Variants in ABCC1 observed in about 807,000 individuals in gnomAD.
The protein encoded by ABCC1 is ATP binding cassette subfamily C member 1 (ABCC1 blood group).
In ABCC1, 83 loss-of-function variants were observed where a neutral mutation model predicts 172.9. That is an observed-to-expected ratio of 0.48 (90% CI 0.40 to 0.58). The LOEUF (loss-of-function observed/expected upper bound fraction) is 0.58. ABCC1 is among the 20% of genes least tolerant of loss of function. ABCC1 has a pLI of 0.00. For missense variants in ABCC1, 1,817 were observed against 2,002.7 expected, an observed-to-expected ratio of 0.91 and a Z score of 1.77; for synonymous variants, 937 against 825.2, an observed-to-expected ratio of 1.14 and a Z score of -2.32.
Position 16,044,556 on chromosome 16 carries a change from C to T in ABCC1, c.916C>T (p.Gln306Ter), listed in dbSNP as rs1022789997. 1 of 1,614,088 alleles carries T rather than the reference C, an allele frequency of 6.2e-7. No homozygotes were observed. Among genetic ancestry groups the T allele is most frequent in the African/African-American group, 1.3e-5 (1 of 74,938 alleles). Reference sequence around the variant, plus strand: ...GGAGGCTTTGATCGTCAAGTCCCCACAGAAGGAGTGGAACCCCTCTCTGTT... The same window carrying T: ...GGAGGCTTTGATCGTCAAGTCCCCATAGAAGGAGTGGAACCCCTCTCTGTT... ...EVEALIVKSPQKEWNPSLFKV... is the reference protein window; with the variant it reads ...EVEALIVKSP The change falls in exon 8 of 31, where the codon CAG becomes TAG. Residue 306 changes from glutamine to a stop codon, truncating the protein, a stop_gained. Coordinates refer to ENST00000399410, the MANE Select transcript of ABCC1 (RefSeq NM_004996.4). LOFTEE classifies it high-confidence loss of function.
At chr16:16,089,509 C>T (rs1001858290) in intron 18 of ABCC1, among the ~76,000 whole-genome samples, 1 of 151,524 alleles carries the variant, frequency 6.6e-6, no homozygotes, top group Non-Finnish European at 1.5e-5. Flanking sequence ...GGTCGCACCA[C>T]TGCACTCCAG....
chr16:16,026,464 C>CTTT (rs1491397616), intron 5 of ABCC1, among the ~76,000 whole-genome samples: 3,083 of 102,130 alleles, frequency 0.03, 302 homozygotes, highest in Non-Finnish European at 0.047. Flanking sequence ...AAGGCTATTT[C>CTTT]CTTTTTTTTT....
intron 4 of ABCC1, 121 bp downstream of exon 4, chr16:16,014,749 C>G: frequency 8.5e-7 from 1 of 1,173,422 alleles, no homozygotes; most frequent in Non-Finnish European, 1.2e-6. Context: ...GTACCACATG[C>G]ACCTAGCTTC....
At chr16:15,950,933 G>GT (rs2045857445) in intron 1 of ABCC1, among the ~76,000 whole-genome samples, 3 of 151,884 alleles carry the variant, frequency 2.0e-5, no homozygotes, top group South Asian at 2.1e-4. Context: ...TTGTTTGTTT[G>GT]TTTTTTTTAG....
chr16:16,084,855 A>G (rs1000718750), intron 17 of ABCC1, among the ~76,000 whole-genome samples: 7 of 152,158 alleles, frequency 4.6e-5, no homozygotes, highest in Non-Finnish European at 8.8e-5. Context: ...TCCTGGCCTC[A>G]GGTGATCTGC....
chr16:16,083,483 G>A lies in ABCC1; in HGVS notation c.2233G>A (p.Ala745Thr). 11 of 1,613,946 alleles carry A rather than the reference G, an allele frequency of 6.8e-6. No homozygotes were observed. The highest frequency in any genetic ancestry group is 8.5e-6 in the Non-Finnish European group (10 of 1,180,026). ...PYYRSVIQAC[A>T]LLPDLEILPS... ...TTACAGGTCCGTGATACAGGCCTGT[G>A]CCCTCCTCCCAGACCTGGAAATCCT... The change falls in exon 17 of 31, where the codon GCC becomes ACC. Residue 745 changes from alanine to threonine, a missense_variant. Coordinates refer to ENST00000399410, the MANE Select transcript of ABCC1 (RefSeq NM_004996.4).
chr16:16,016,988 C>T (rs1428792250), intron 5 of ABCC1, among the ~76,000 whole-genome samples: 4 of 145,702 alleles, frequency 2.7e-5, no homozygotes, highest in East Asian at 2.0e-4. Context: ...GGCCTATAAT[C>T]CTACAGGGCA....
chr16:16,032,103 G>A (rs1406495770), intron 5 of ABCC1, among the ~76,000 whole-genome samples: 1 of 151,998 alleles, frequency 6.6e-6, no homozygotes, highest in Non-Finnish European at 1.5e-5. Context: ...CGATTCTCTT[G>A]CCTCAGCCTC....
In ABCC1 at chr16:16,090,525, G is replaced by A. The variant is rs45517537; in HGVS notation, c.2581G>A (p.Ala861Thr). 3.1e-6 allele frequency: 5 copies of A among 1,613,684 alleles called. No individual in the cohort carries two copies. The highest frequency in any genetic ancestry group is 2.2e-5 in the East Asian group (1 of 44,856). The change falls in exon 19 of 31, where the codon GCC becomes ACC. Residue 861 changes from alanine to threonine, a missense_variant. Physicochemically the swap from Ala to Thr is moderately conservative, Grantham distance 58. Around this residue, in one of 3 missense-constraint regions of ABCC1, gnomAD observed 1,412 missense variants for 1,600.3 expected, o/e 0.88. Coordinates refer to ENST00000399410, the MANE Select transcript of ABCC1 (RefSeq NM_004996.4). ...CCAGGAGCTGCTGGCTCGAGACGGC[G>A]CCTTCGCTGAGTTCCTGCGTACCTA... is the stretch of plus-strand genomic sequence containing the variant. ...SYQELLARDG[A>T]FAEFLRTYAS...
rs2051031569 is a variant in ABCC1 at position 16,086,917 on chromosome 16, T to G, written c.2386T>G (p.Ser796Ala). ...CATTTACCTCTTCGATGATCCCCTCTCAGCAGTGGATGCCCATGTGGGAAA... is the reference window on the plus strand; with the variant it reads ...CATTTACCTCTTCGATGATCCCCTCGCAGCAGTGGATGCCCATGTGGGAAA... ...ADIYLFDDPL[S>A]AVDAHVGKHI... is the part of the protein sequence containing the mutation. The change falls in exon 18 of 31, where the codon TCA (serine) becomes GCA (alanine). Residue 796 changes from serine (S) to alanine (A), a missense_variant. Coordinates refer to ENST00000399410, the MANE Select transcript of ABCC1 (RefSeq NM_004996.4). The G allele has an allele frequency of 6.2e-7, 1 of 1,614,100 alleles. No homozygotes were observed. Among genetic ancestry groups the G allele is most frequent in the Non-Finnish European group, 8.5e-7 (1 of 1,180,058 alleles).
intron 1 of ABCC1, among the ~76,000 whole-genome samples, chr16:16,001,848 C>G (rs921583518): frequency 6.6e-6 from 1 of 152,092 alleles, no homozygotes; most frequent in African/African-American, 2.4e-5. Flanking sequence ...CTAAATGTTA[C>G]TGTAGGCACC....
intron 4 of ABCC1, among the ~76,000 whole-genome samples, chr16:16,015,561 T>G (rs2151759936): frequency 6.6e-6 from 1 of 152,346 alleles, no homozygotes; most frequent in East Asian, 1.9e-4. Context: ...CATATTATTA[T>G]GAGTGATAGC....
intron 16 of ABCC1, 143 bp downstream of exon 16, chr16:16,079,621 C>G (rs910132279): frequency 1.7e-5 from 19 of 1,091,068 alleles, no homozygotes; most frequent in Admixed American, 2.8e-5. Flanking sequence ...CTGTATCTTT[C>G]CACTGTCTCT....
intron 1 of ABCC1, among the ~76,000 whole-genome samples, chr16:15,999,804 T>TCTCTCTCTCTCTCTCC (rs2047201659): frequency 3.2e-5 from 1 of 31,572 alleles, no homozygotes; most frequent in Non-Finnish European, 9.0e-5. Flanking sequence ...TCTCTCTCTC[T>TCTCTCTCTCTCTCTCC]CTCTCCTCTC....
In ABCC1 at chr16:16,140,538, G is replaced by GT. The variant is rs568132598; in HGVS notation, c.4488-634dup. Among the ~76,000 whole-genome samples, 63 of 152,292 alleles carry GT rather than the reference G, an allele frequency of 4.1e-4. 1 individual carries two copies. The South Asian group carries it at 0.013, about 31-fold the overall frequency. On this transcript the variant is annotated intron_variant, in intron 30 of 30. Transcript: ENST00000399410. ...TAGTTCACTGAGTACCACCTACTAAGTGGCAGATGCTGAGTTGGTGCTTTT... is the reference window on the plus strand; with the variant it reads ...TAGTTCACTGAGTACCACCTACTAAGTTGGCAGATGCTGAGTTGGTGCTTTT...
intron 10 of ABCC1, among the ~76,000 whole-genome samples, chr16:16,048,995 A>G (rs1312850623): frequency 6.6e-6 from 1 of 152,108 alleles, no homozygotes; most frequent in Non-Finnish European, 1.5e-5. Context: ...AAAAAAAAAA[A>G]AAAGTAGCCT....
intron 20 of ABCC1, among the ~76,000 whole-genome samples, chr16:16,104,764 G>A (rs1405559780): frequency 1.3e-5 from 2 of 152,190 alleles, no homozygotes; most frequent in African/African-American, 4.8e-5. Context: ...GCCCATAGCG[G>A]GGAGGTGGGG....
In ABCC1 at chr16:15,949,633, CA is replaced by C. The variant is rs2045813581; in HGVS notation, c.-118del. On this transcript the variant is annotated 5_prime_UTR_variant, in exon 1 of 31. Transcript: ENST00000399410. ...CCTGCGCCGCCGCCGCCGCCGCCGC[CA>C]GCGCTAGCGCCAGCAGCCGGGCCCG... 5.5e-4 allele frequency: 375 copies of C among 684,464 alleles called. No homozygotes were observed. The highest frequency in any genetic ancestry group is 7.3e-4 in the South Asian group (12 of 16,352). 42.4% of individuals were successfully genotyped at this position (684,464 alleles called of 1,614,324 possible). A position where few individuals can be genotyped will look rare whatever the true frequency, so the allele number is the denominator to read the frequency against.
chr16:16,014,661 A>G (rs373375844), intron 4 of ABCC1, 33 bp downstream of exon 4: 25 of 1,610,904 alleles, frequency 1.6e-5, no homozygotes, highest in Non-Finnish European at 1.8e-5. Flanking sequence ...ATCTTCCTTC[A>G]GTGGACCCGG....
Sources: gnomAD v4.1 joint callset for allele counts (sites outside exome capture counted in the v4.1 genomes callset) on GRCh38, gnomAD v4.1.1 for gene constraint, gnomAD v4.1.1 regional missense constraint, MANE v1.5 for transcripts, NCBI Gene and HGNC (gene_info 2026-07-23, HGNC 2026-07-21) for gene names.